The following SPTAN1 variants were observed in gnomAD, a reference collection of about 807,000 sequenced individuals.
The protein encoded by SPTAN1 is spectrin alpha, non-erythrocytic 1, also known as spectrin alpha chain, non-erythrocytic 1.
SPTAN1 carries 61 observed loss-of-function variants against 331.3 expected under a neutral mutation model. The ratio of observed to expected loss-of-function variants is 0.18; its 90% CI spans 0.15 to 0.23. The LOEUF (loss-of-function observed/expected upper bound fraction) is 0.23, where lower values mean the gene tolerates loss of function less well. SPTAN1 is among the 10% of genes least tolerant of loss of function. The probability of loss-of-function intolerance (pLI) is 1.00; values close to 1 mark genes in which losing one functional copy is unlikely to be tolerated. For missense variants in SPTAN1, 2,043 were observed against 3,147.9 expected, an observed-to-expected ratio of 0.65 and a Z score of 8.40; for synonymous variants, 1,153 against 1,173.9, an observed-to-expected ratio of 0.98 and a Z score of 0.36.
intron 27 of SPTAN1, chr9:128,601,370 G>T (rs1426850112): frequency 6.6e-6 from 1 of 152,090 alleles, no homozygotes. Flanking sequence ...TCCTGACCCA[G>T]CTCTTCAGGA....
rs1229116245 is a variant in SPTAN1 at position 128,611,909 on chromosome 9, T to A, written c.4905+64T>A. ...GACCACCGTCACTGTCAACCTGATA[T>A]AATAACTTGGACATACAGTCTTAAG... On this transcript the variant is annotated intron_variant, in intron 38 of 56. Transcript: ENST00000372739. The A allele has an allele frequency of 8.1e-6, 13 of 1,612,194 alleles. No individual in the cohort carries two copies. The South Asian group carries it at 1.4e-4, about 18-fold the overall frequency.
chr9:128,557,029 A>T (rs1360363161), intron 1 of SPTAN1, among the ~76,000 whole-genome samples: 2 of 152,204 alleles, frequency 1.3e-5, no homozygotes, highest in African/African-American at 2.4e-5. Context: ...CGGAAAAAAG[A>T]CATTGTTGGT....
chr9:128,618,902 C>A lies in SPTAN1; in HGVS notation c.5632C>A (p.Gln1878Lys). 6.2e-7 allele frequency: 1 copy of A among 1,614,124 alleles called. No homozygotes were observed. The highest frequency in any genetic ancestry group is 8.5e-7 in the Non-Finnish European group (1 of 1,180,036). Residue 1878 changes from glutamine (Q) to lysine (K), a missense_variant, in exon 44 of 57, where the codon CAG (glutamine) becomes AAG (lysine). Coordinates refer to ENST00000372739, the MANE Select transcript of SPTAN1 (RefSeq NM_001130438.3). Reference protein sequence around the residue: ...GQRLEESLEYQQFVANVEEEE... With the variant: ...GQRLEESLEYKQFVANVEEEE... ...GCGGCTGGAAGAGTCCTTGGAATAT[C>A]AGCAGTTTGTAGCCAATGTGGAAGA...
chr9:128,625,278 C>T lies in SPTAN1; in HGVS notation c.6069+99C>T. 1.6e-6 allele frequency: 2 copies of T among 1,238,112 alleles called. No homozygotes were observed. Among genetic ancestry groups the T allele is most frequent in the Non-Finnish European group, 2.3e-6 (2 of 852,898 alleles). The allele number at this position is 1,238,112 out of a possible 1,614,324, so 76.7% of individuals were successfully genotyped here. ...TGAGGCATTTATCTTCTGTTAGCCC[C>T]TGGGGATCAGCAGGAAAAAGATCCT... On this transcript the variant is annotated intron_variant, in intron 47 of 56. Coordinates refer to ENST00000372739, the MANE Select transcript of SPTAN1 (RefSeq NM_001130438.3). This position sits in a 1 kb window ranked among gnomAD's most constrained non-coding sequence, Gnocchi z 4.1.
In SPTAN1 at chr9:128,627,656, G is replaced by A. The variant is rs975527284; in HGVS notation, c.6689+158G>A. On this transcript the variant is annotated intron_variant, in intron 50 of 56. Transcript: ENST00000372739. This position sits in a 1 kb window ranked among gnomAD's most constrained non-coding sequence, Gnocchi z 4.9. ...CAACGCCTGGTCGGGCTCTGGAGCC[G>A]GGAGTGGGGGCATAGGTGGAGCAGC... 4.4e-5 allele frequency: 36 copies of A among 817,016 alleles called. No individual in the cohort carries two copies. Among genetic ancestry groups the A allele is most frequent in the Admixed American group, 2.2e-4 (11 of 50,728 alleles). The allele number at this position is 817,016 out of a possible 1,614,324, so 50.6% of individuals were successfully genotyped here.
At chr9:128,607,525 G>A (rs1474337692) in intron 31 of SPTAN1, 79 bp from the exon 32 acceptor site, 3 of 1,239,740 alleles carry the variant, frequency 2.4e-6, no homozygotes, top group Non-Finnish European at 3.6e-6. Flanking sequence ...CAAGAATTAT[G>A]TCATTCTCTG....
At position 128,625,816 on chromosome 9, in the gene SPTAN1, C is replaced by A; in HGVS notation, c.6117C>A (p.Ala2039=). The change falls in exon 48 of 57, where the codon GCC becomes GCA. Residue 2039 remains alanine (A), a synonymous_variant. Coordinates refer to ENST00000372739, the MANE Select transcript of SPTAN1 (RefSeq NM_001130438.3). This position sits in a 1 kb window ranked among gnomAD's most constrained non-coding sequence, Gnocchi z 4.1. ...GLQAFQQEGI[A]NITALKDQLL... ...AGGCCTTCCAGCAGGAAGGCATTGC[C>A]AACATCACTGCCCTCAAAGATCAGC... is the stretch of plus-strand genomic sequence containing the variant. The A allele has an allele frequency of 6.2e-7, 1 of 1,614,154 alleles. No individual in the cohort carries two copies. The highest frequency in any genetic ancestry group is 1.1e-5 in the South Asian group (1 of 91,086).
chr9:128,609,253 A>G lies in SPTAN1; in HGVS notation c.4727A>G (p.Asp1576Gly). 2 of 1,614,254 alleles carry G rather than the reference A, an allele frequency of 1.2e-6. No individual in the cohort carries two copies. Among genetic ancestry groups the G allele is most frequent in the Non-Finnish European group, 1.7e-6 (2 of 1,180,044 alleles). Residue 1576 changes from aspartate (D) to glycine (G), a missense_variant, in exon 36 of 57, where the codon GAT (aspartate) becomes GGT (glycine). By Grantham distance (94) the Asp-to-Gly change is moderately conservative. This residue lies in a region of SPTAN1 where 323 missense variants were observed against 581.1 expected (regional missense o/e 0.56). Coordinates refer to ENST00000372739, the MANE Select transcript of SPTAN1 (RefSeq NM_001130438.3). ...AGTGAAAAATTGCAAACAGCGAGTG[A>G]TGAGTCGTACAAGGATCCCACCAAC... The part of the protein sequence containing the change: ...WISEKLQTAS[D>G]ESYKDPTNIQ...
Position 128,608,929 on chromosome 9 carries a change from A to C in SPTAN1, c.4547A>C (p.His1516Pro), listed in dbSNP as rs1060503491. ...GCCGACCAGCTCATCGCTGCCGGCC[A>C]TTATGCCAAGGGAGACATTTCTAGC... is the stretch of plus-strand genomic sequence containing the variant. ...AFADQLIAAG[H>P]YAKGDISSRR... Residue 1516 changes from histidine (H) to proline (P), a missense_variant, in exon 35 of 57, where the codon CAT becomes CCT. Transcript: ENST00000372739. 1 of 1,614,222 alleles carries C rather than the reference A, an allele frequency of 6.2e-7. No homozygotes were observed. The highest frequency in any genetic ancestry group is 8.5e-7 in the Non-Finnish European group (1 of 1,180,030).
At chr9:128,569,074 G>A (rs1012059571) in intron 3 of SPTAN1, among the ~76,000 whole-genome samples, 177 bp downstream of exon 3, 5 of 152,210 alleles carry the variant, frequency 3.3e-5, no homozygotes, top group Admixed American at 3.3e-4. Flanking sequence ...CAGCATGAAT[G>A]CAAGCGTTTG....
chr9:128,583,385 G>A, intron 15 of SPTAN1, 104 bp downstream of exon 15: 1 of 1,188,446 alleles, frequency 8.4e-7, no homozygotes, highest in Non-Finnish European at 1.2e-6. Context: ...AGGTGAGGTG[G>A]ATGACTTTGG....
chr9:128,595,830 G>C (rs903157610), intron 24 of SPTAN1: 3 of 151,956 alleles, frequency 2.0e-5, no homozygotes, highest in Non-Finnish European at 4.4e-5. Context: ...GGCTTCTTTT[G>C]TTTAGGTTTT....
intron 5 of SPTAN1, among the ~76,000 whole-genome samples, chr9:128,576,538 T>C (rs1162952109): frequency 6.6e-6 from 1 of 152,246 alleles, no homozygotes; most frequent in East Asian, 1.9e-4. Context: ...ACACAGTTGT[T>C]GCCAAACTAT....
chr9:128,568,099 A>G (rs577894230), intron 2 of SPTAN1, among the ~76,000 whole-genome samples: 1 of 152,178 alleles, frequency 6.6e-6, no homozygotes, highest in Non-Finnish European at 1.5e-5. Flanking sequence ...CTTTCTTCTC[A>G]CTTATTTCAG....
intron 27 of SPTAN1, 52 bp downstream of exon 27, chr9:128,600,167 A>C: frequency 6.3e-6 from 10 of 1,581,540 alleles, no homozygotes; most frequent in Non-Finnish European, 8.7e-6. Context: ...GAGATCATGA[A>C]ATATGTCCTT....
chr9:128,595,234 C>T (rs554601689), intron 24 of SPTAN1, among the ~76,000 whole-genome samples: 6 of 152,194 alleles, frequency 3.9e-5, no homozygotes, highest in African/African-American at 9.6e-5. Context: ...CTCAGCCACC[C>T]GAGTAGCTGG....
intron 21 of SPTAN1, among the ~76,000 whole-genome samples, chr9:128,589,195 T>A (rs921881487): frequency 1.3e-5 from 2 of 152,232 alleles, no homozygotes; most frequent in African/African-American, 4.8e-5. Flanking sequence ...ATTTTCACCA[T>A]TGAGTGTCTC....
rs549980014 is a variant in SPTAN1 at position 128,585,216 on chromosome 9, A to T, written c.2560+373A>T. 7.2e-5 allele frequency among the ~76,000 whole-genome samples: 11 copies of T among 152,044 alleles called. 1 individual carries two copies. In the South Asian group the frequency reaches 2.3e-3, roughly 32 times the overall value. On this transcript the variant is annotated intron_variant, in intron 18 of 56. Transcript: ENST00000372739. Reference sequence around the variant, plus strand: ...TTTTATTTTTGTATTTTTAATAGAGACAGGGTTTCACCATATTGGTCAGGC... The same window carrying T: ...TTTTATTTTTGTATTTTTAATAGAGTCAGGGTTTCACCATATTGGTCAGGC...
Position 128,628,751 on chromosome 9 carries a change from A to G in SPTAN1, c.6707+809A>G, listed in dbSNP as rs150119450. On this transcript the variant is annotated intron_variant, in intron 51 of 56. Coordinates refer to ENST00000372739, the MANE Select transcript of SPTAN1 (RefSeq NM_001130438.3). ...GGCCAGGGGAGAAATAGACCCATCC[A>G]GCCGGGCCACACATTCTGATGGCAG... The G allele has an allele frequency of 5.4e-3, 1,000 of 186,066 alleles. 12 individuals are homozygous for G. Among genetic ancestry groups the G allele is most frequent in the Middle Eastern group, 0.027 (13 of 486 alleles). 11.5% of individuals were successfully genotyped at this position (186,066 alleles called of 1,614,324 possible). A position where few individuals can be genotyped will look rare whatever the true frequency, so the allele number is the denominator to read the frequency against.
Sources: gnomAD v4.1 joint callset for allele counts (sites outside exome capture counted in the v4.1 genomes callset) on GRCh38, gnomAD v4.1.1 for gene constraint, gnomAD v4.1.1 regional missense constraint, Gnocchi (gnomAD v3.1) non-coding constraint, MANE v1.5 for transcripts, NCBI Gene and HGNC (gene_info 2026-07-23, HGNC 2026-07-21) for gene names.